Variants in JAKMIP1 observed in about 807,000 individuals in gnomAD.
The protein encoded by JAKMIP1 is janus kinase and microtubule interacting protein 1, also known as janus kinase and microtubule-interacting protein 1.
A neutral mutation model predicts 113.0 loss-of-function variants in JAKMIP1; 33 were observed. That is an observed-to-expected ratio of 0.29 (90% confidence interval 0.22 to 0.39). The LOEUF (loss-of-function observed/expected upper bound fraction) is 0.39, where lower values mean the gene tolerates loss of function less well. Ranked by LOEUF, JAKMIP1 falls within the 10% of genes least tolerant of loss-of-function variation. JAKMIP1 has a pLI of 1.00. For missense variants in JAKMIP1, 813 were observed against 1,080.5 expected (o/e 0.75, Z 3.47); for synonymous variants, 480 against 459.9 (o/e 1.04, Z -0.56).
chr4:6,057,640 G>A (rs1044966404), intron 11 of JAKMIP1, among the ~76,000 whole-genome samples: 1 of 152,212 alleles, frequency 6.6e-6, no homozygotes, highest in Non-Finnish European at 1.5e-5. Flanking sequence ...CCTTTTGTCT[G>A]TGGCATATTG....
intron 8 of JAKMIP1, among the ~76,000 whole-genome samples, chr4:6,072,335 T>C (rs1487528160): frequency 6.6e-6 from 1 of 152,212 alleles, no homozygotes; most frequent in South Asian, 2.1e-4. Context: ...AACTTCTAAA[T>C]TGATTGAGAG....
chr4:6,199,046 C>G lies in JAKMIP1; in HGVS notation c.-148+1207G>C, dbSNP rs1251838978. Among the ~76,000 whole-genome samples, 2 of 152,254 alleles carry G rather than the reference C, an allele frequency of 1.3e-5. No individual in the cohort carries two copies. Among genetic ancestry groups the G allele is most frequent in the Non-Finnish European group, 2.9e-5 (2 of 68,048 alleles). ...GTAACAGCATCCTGGGACAGCGCCA[C>G]GTTCCAGGAAAGCTCAGGAGGGGCA... is the stretch of plus-strand genomic sequence containing the variant. On this transcript the variant is annotated intron_variant, in intron 1 of 20. Transcript: ENST00000409021. This position sits in a 1 kb window ranked among gnomAD's most constrained non-coding sequence, Gnocchi z 5.6.
chr4:6,197,740 G>A lies in JAKMIP1; in HGVS notation c.-148+2513C>T, dbSNP rs1446396941. Reference sequence around the variant, plus strand: ...GGCACTTGCCCAGTCACAGCTAAGTGAGGCAGGGCCTGAATGGGAACCCTG... The same window carrying A: ...GGCACTTGCCCAGTCACAGCTAAGTAAGGCAGGGCCTGAATGGGAACCCTG... On this transcript the variant is annotated intron_variant, in intron 1 of 20. Transcript: ENST00000409021. This position sits in a 1 kb window ranked among gnomAD's most constrained non-coding sequence, Gnocchi z 6.5. 1.3e-5 allele frequency among the ~76,000 whole-genome samples: 2 copies of A among 152,226 alleles called. No individual in the cohort carries two copies. Among genetic ancestry groups the A allele is most frequent in the African/African-American group, 4.8e-5 (2 of 41,452 alleles).
chr4:6,041,990 A>G (rs374056934), intron 17 of JAKMIP1, among the ~76,000 whole-genome samples, 169 bp downstream of exon 17: 2 of 152,242 alleles, frequency 1.3e-5, no homozygotes, highest in African/African-American at 4.8e-5. Flanking sequence ...TGAGCGAGTG[A>G]AAGAGTAAGT....
At chr4:6,026,355 G>A in intron 20 of JAKMIP1, 77 bp from the exon 21 acceptor site, 1 of 751,666 alleles carries the variant, frequency 1.3e-6, no homozygotes, top group South Asian at 1.7e-5. Context: ...ATGTAGTATG[G>A]AACTCAATGA....
chr4:6,147,642 G>A (rs764466502), intron 1 of JAKMIP1, among the ~76,000 whole-genome samples: 12 of 152,104 alleles, frequency 7.9e-5, no homozygotes, highest in Non-Finnish European at 1.6e-4. Context: ...CTGCATCCAC[G>A]GCCTCTGAAC....
chr4:6,116,301 T>A lies in JAKMIP1; in HGVS notation c.-147-3304A>T, dbSNP rs1185761204. Reference sequence around the variant, plus strand: ...CAGCAGGAGCAACAGCAGGGAACTCTCCTGCCTGAGCTTAGCTTGGTGTCT... The same window carrying A: ...CAGCAGGAGCAACAGCAGGGAACTCACCTGCCTGAGCTTAGCTTGGTGTCT... On this transcript the variant is annotated intron_variant, in intron 1 of 20. Transcript: ENST00000409021. The surrounding 1 kb of genome is among the most constrained non-coding windows in gnomAD (Gnocchi z 5.1). Among the ~76,000 whole-genome samples the A allele has an allele frequency of 6.6e-6, 1 of 152,028 alleles. No homozygotes were observed. Among genetic ancestry groups the A allele is most frequent in the Admixed American group, 6.6e-5 (1 of 15,262 alleles).
rs540279379 is a variant in JAKMIP1 at position 6,067,946 on chromosome 4, C to A, written c.1303-2938G>T. Among the ~76,000 whole-genome samples, 1 of 152,118 alleles carries A rather than the reference C, an allele frequency of 6.6e-6. No individual in the cohort carries two copies. The highest frequency in any genetic ancestry group is 1.5e-5 in the Non-Finnish European group (1 of 68,006). The stretch of plus-strand genomic sequence containing the variant: ...CTGCTAACTGCAAGGCCTTTGGGGA[C>A]GAGTCTGTTTGTTGCTGTAGCCCAG... On this transcript the variant is annotated intron_variant, in intron 8 of 20. Transcript: ENST00000409021. This position sits in a 1 kb window ranked among gnomAD's most constrained non-coding sequence, Gnocchi z 4.6.
At chr4:6,048,528 T>C (rs1715273285) in intron 16 of JAKMIP1, among the ~76,000 whole-genome samples, 1 of 152,228 alleles carries the variant, frequency 6.6e-6, no homozygotes. Context: ...AGGATGTTTC[T>C]AAAGCCTGAT....
At position 6,192,245 on chromosome 4, in the gene JAKMIP1, T is replaced by C. The variant is rs1727357560; in HGVS notation, c.-148+8008A>G. Among the ~76,000 whole-genome samples the C allele has an allele frequency of 6.6e-6, 1 of 152,146 alleles. No individual in the cohort carries two copies. The highest frequency in any genetic ancestry group is 1.9e-4 in the East Asian group (1 of 5,184). ...ACCGCGCCTGGCCAGGGTGTATTTT[T>C]CACTCACAGTCCATCTCAGTCCACA... On this transcript the variant is annotated intron_variant, in intron 1 of 20. Transcript: ENST00000409021. This position sits in a 1 kb window ranked among gnomAD's most constrained non-coding sequence, Gnocchi z 5.0.
chr4:6,098,844 C>T (rs1712518541), intron 3 of JAKMIP1, among the ~76,000 whole-genome samples: 2 of 152,236 alleles, frequency 1.3e-5, no homozygotes, highest in South Asian at 2.1e-4. Flanking sequence ...CAACCCCACA[C>T]CCGGAGGTCA....
Position 6,072,811 on chromosome 4 carries a change from C to T in JAKMIP1, c.1302+6128G>A, listed in dbSNP as rs147987086. Among the ~76,000 whole-genome samples, 257 of 152,116 alleles carry T rather than the reference C, an allele frequency of 1.7e-3. 2 individuals are homozygous for T. The highest frequency in any genetic ancestry group is 5.8e-3 in the African/African-American group (240 of 41,510). On this transcript the variant is annotated intron_variant, in intron 8 of 20. Coordinates refer to ENST00000409021, the MANE Select transcript of JAKMIP1 (RefSeq NM_001099433.2). ...AAAACTTGCAAATGAAAAATGCATG[C>T]ACATGATGAAAAAATGTTTGACTTT...
In JAKMIP1 at chr4:6,080,669, CT is replaced by C. The variant is rs1207482506; in HGVS notation, c.1102-358del. Among the ~76,000 whole-genome samples the C allele has an allele frequency of 1.3e-5, 2 of 152,158 alleles. No homozygotes were observed. Among genetic ancestry groups the C allele is most frequent in the African/African-American group, 4.8e-5 (2 of 41,432 alleles). On this transcript the variant is annotated intron_variant, in intron 6 of 20. Coordinates refer to ENST00000409021, the MANE Select transcript of JAKMIP1 (RefSeq NM_001099433.2). This position sits in a 1 kb window ranked among gnomAD's most constrained non-coding sequence, Gnocchi z 6.0. ...GCCGCCAAGTAAGATGTGCCTTTAG[CT>C]TTCTGCCATGATTGTGAGGCCTCCC... is the stretch of plus-strand genomic sequence containing the variant.
intron 2 of JAKMIP1, 30 bp downstream of exon 2, chr4:6,112,692 A>C: frequency 1.2e-6 from 2 of 1,608,156 alleles, no homozygotes; most frequent in Non-Finnish European, 1.7e-6. Context: ...TTTGCAGCCC[A>C]GCCGCTGCTG....
intron 3 of JAKMIP1, among the ~76,000 whole-genome samples, chr4:6,100,297 A>G (rs996276473): frequency 3.9e-5 from 6 of 152,164 alleles, no homozygotes; most frequent in Admixed American, 2.6e-4. Flanking sequence ...AGATTTGGCT[A>G]TTCTGGAGAT....
chr4:6,041,164 C>T (rs1714266719), intron 17 of JAKMIP1, among the ~76,000 whole-genome samples: 1 of 152,200 alleles, frequency 6.6e-6, no homozygotes, highest in Non-Finnish European at 1.5e-5. Context: ...CCCTGCCTCC[C>T]ACATACCTGG....
rs1226895092 is a variant in JAKMIP1 at position 6,089,608 on chromosome 4, A to G, written c.625-3979T>C. ...AGCCCTCCCTGTCCCCTCTGCCCCA[A>G]AGGAACAGAGTCCGGTTGTTTCTAA... On this transcript the variant is annotated intron_variant, in intron 3 of 20. Transcript: ENST00000409021. The surrounding 1 kb of genome is among the most constrained non-coding windows in gnomAD (Gnocchi z 5.3). Among the ~76,000 whole-genome samples the G allele has an allele frequency of 1.3e-5, 2 of 152,172 alleles. No homozygotes were observed. The highest frequency in any genetic ancestry group is 2.9e-5 in the Non-Finnish European group (2 of 68,022).
chr4:6,100,979 T>C (rs1256561328), intron 3 of JAKMIP1, among the ~76,000 whole-genome samples: 1 of 152,232 alleles, frequency 6.6e-6, no homozygotes, highest in Non-Finnish European at 1.5e-5. Context: ...TGAACATGTC[T>C]TCTCTCAGTC....
At chr4:6,053,915 A>C in intron 13 of JAKMIP1, 135 bp downstream of exon 13, 1 of 1,540,944 alleles carries the variant, frequency 6.5e-7, no homozygotes, top group Non-Finnish European at 8.7e-7. Flanking sequence ...AAAAAGAAAG[A>C]AAGAAAGAAA....
Sources: gnomAD v4.1 joint callset for allele counts (sites outside exome capture counted in the v4.1 genomes callset) on GRCh38, gnomAD v4.1.1 for gene constraint, Gnocchi (gnomAD v3.1) non-coding constraint, MANE v1.5 for transcripts, NCBI Gene and HGNC (gene_info 2026-07-23, HGNC 2026-07-21) for gene names.